Variants in MACF1 observed in about 807,000 individuals in gnomAD.
The protein encoded by MACF1 is microtubule-actin cross-linking factor 1.
Under a neutral mutation model 854.8 loss-of-function variants are expected in MACF1, and 193 were observed. The ratio of observed to expected loss-of-function variants is 0.23; its 90% CI spans 0.20 to 0.25. MACF1 has a LOEUF of 0.25. MACF1 is among the 10% of genes least tolerant of loss of function. The pLI is 1.00. For missense variants in MACF1, 7,722 were observed against 8,929.1 expected (o/e 0.86, Z 5.45); for synonymous variants, 3,185 against 3,226.7 (o/e 0.99, Z 0.44).
intron 69 of MACF1, 102 bp downstream of exon 69, chr1:39,434,734 C>T (rs926883904): frequency 4.3e-6 from 4 of 930,844 alleles, no homozygotes; most frequent in Non-Finnish European, 6.4e-6. Flanking sequence ...TTCTGTGTTA[C>T]GAAGTTAATT....
intron 23 of MACF1, 136 bp from the exon 24 acceptor site, chr1:39,309,434 G>C: frequency 1.0e-6 from 1 of 974,014 alleles, no homozygotes; most frequent in East Asian, 2.5e-5. Flanking sequence ...TGAGATGCTA[G>C]TATTTGACTT....
intron 2 of MACF1, among the ~76,000 whole-genome samples, chr1:39,244,541 A>G (rs1292620921): frequency 6.6e-6 from 1 of 151,356 alleles, no homozygotes; most frequent in Non-Finnish European, 1.5e-5. Context: ...TTGGCCTCCC[A>G]AAGTGCTAGG....
intron 44 of MACF1, among the ~76,000 whole-genome samples, chr1:39,356,962 G>T (rs1319037519): frequency 6.6e-6 from 1 of 152,152 alleles, no homozygotes; most frequent in Non-Finnish European, 1.5e-5. Flanking sequence ...TCCTATACGT[G>T]TCAGTTCAGA....
chr1:39,476,820 G>A (rs899657209), intron 97 of MACF1, among the ~76,000 whole-genome samples: 5 of 151,272 alleles, frequency 3.3e-5, no homozygotes, highest in African/African-American at 1.2e-4. Flanking sequence ...AGCTGGGCAT[G>A]GTGGATCACG....
At chr1:39,297,355 G>A (rs913754691) in intron 20 of MACF1, among the ~76,000 whole-genome samples, 15 of 152,202 alleles carry the variant, frequency 9.9e-5, no homozygotes, top group African/African-American at 3.6e-4. Flanking sequence ...GAAGTCAAGA[G>A]GAAAGAGCAG....
chr1:39,459,379 C>A (rs940287228), intron 91 of MACF1, 130 bp downstream of exon 91: 2 of 968,524 alleles, frequency 2.1e-6, no homozygotes, highest in African/African-American at 1.7e-5. Flanking sequence ...CAGACCTATA[C>A]CAAGCCAGTA....
Position 39,224,201 on chromosome 1 carries a change from T to TG in MACF1, c.110-6980dup. On this transcript the variant is annotated intron_variant, in intron 1 of 100. Coordinates refer to ENST00000564288, the MANE Select transcript of MACF1 (RefSeq NM_001394062.1). ...CCCCCTACTCCCCCCCATACACACA[T>TG]GACACAAAACATTTTGCATGTAATT... is the stretch of plus-strand genomic sequence containing the variant. 1.3e-5 allele frequency among the ~76,000 whole-genome samples: 2 copies of TG among 151,494 alleles called. 1 individual carries two copies. The highest frequency in any genetic ancestry group is 2.9e-5 in the Non-Finnish European group (2 of 67,906).
Position 39,332,817 on chromosome 1 carries a change from C to G in MACF1, c.6229C>G (p.Pro2077Ala). Reference sequence around the variant, plus strand: ...AACAGAAGATTCTTCTGTAGAGAACCCTGAACAGGATCTGTTTGTAGAACA... The same window carrying G: ...AACAGAAGATTCTTCTGTAGAGAACGCTGAACAGGATCTGTTTGTAGAACA... Reference protein sequence around the residue: ...VETEDSSVENPEQDLFVEQKE... With the variant: ...VETEDSSVENAEQDLFVEQKE... Residue 2077 changes from proline to alanine, a missense_variant, in exon 37 of 101, where the codon CCT becomes GCT. This residue lies in a region of MACF1 where 1,531 missense variants were observed against 1,601.6 expected (regional missense o/e 0.96). Transcript: ENST00000564288. The G allele has an allele frequency of 6.2e-7, 1 of 1,613,998 alleles. No individual in the cohort carries two copies. The highest frequency in any genetic ancestry group is 1.3e-5 in the African/African-American group (1 of 74,992).
At chr1:39,355,871 A>AT (rs974267420) in intron 44 of MACF1, among the ~76,000 whole-genome samples, 27 of 151,418 alleles carry the variant, frequency 1.8e-4, no homozygotes, top group African/African-American at 6.3e-4. Flanking sequence ...TGCCTCATTA[A>AT]TTTTTTTTTA....
intron 6 of MACF1, among the ~76,000 whole-genome samples, chr1:39,263,658 C>T (rs1348246116): frequency 2.0e-5 from 3 of 151,584 alleles, no homozygotes; most frequent in Non-Finnish European, 4.4e-5. Context: ...TGCTTTTGTA[C>T]ATTTACAGCA....
intron 95 of MACF1, 24 bp downstream of exon 95, chr1:39,465,136 T>C: frequency 1.9e-6 from 3 of 1,608,382 alleles, no homozygotes; most frequent in Non-Finnish European, 2.6e-6. Context: ...TGCAATGTTC[T>C]CCTTCTCAAT....
intron 99 of MACF1, among the ~76,000 whole-genome samples, chr1:39,483,543 C>G (rs955589268): frequency 1.3e-5 from 2 of 152,288 alleles, no homozygotes; most frequent in African/African-American, 4.8e-5. Flanking sequence ...ATTGGTGGAA[C>G]AGCAAGGAAG....
At chr1:39,140,858 T>C (rs1282240177) in intron 2 of MACF1, among the ~76,000 whole-genome samples, 1 of 126,430 alleles carries the variant, frequency 7.9e-6, no homozygotes, top group Non-Finnish European at 1.5e-5. Flanking sequence ...GAGGTTGCAG[T>C]GAGCCGAGAT....
chr1:39,298,042 A>G (rs1044776732), intron 21 of MACF1, among the ~76,000 whole-genome samples: 1 of 151,948 alleles, frequency 6.6e-6, no homozygotes, highest in Non-Finnish European at 1.5e-5. Flanking sequence ...TCTTATTTTA[A>G]TGTAATAGTT....
At chr1:39,328,128 A>G (rs1281052740) in intron 36 of MACF1, among the ~76,000 whole-genome samples, 2 of 152,220 alleles carry the variant, frequency 1.3e-5, no homozygotes, top group African/African-American at 4.8e-5. Flanking sequence ...ATTCAGACAA[A>G]GCATGTCTTG....
chr1:39,204,086 C>T (rs1557516461), upstream of MACF1, among the ~76,000 whole-genome samples: 1 of 152,062 alleles, frequency 6.6e-6, no homozygotes, highest in Non-Finnish European at 1.5e-5. Context: ...CCAGCTTGGC[C>T]AACATGGTGA....
chr1:39,414,391 C>T, intron 58 of MACF1: 1 of 1,613,952 alleles, frequency 6.2e-7, no homozygotes, highest in Non-Finnish European at 8.5e-7. Context: ...CCTTGATTCC[C>T]TAGTATTTGG....
At position 39,387,471 on chromosome 1, in the gene MACF1, T is replaced by G; in HGVS notation, c.14629T>G (p.Leu4877Val). 6.2e-7 allele frequency: 1 copy of G among 1,614,118 alleles called. No homozygotes were observed. Among genetic ancestry groups the G allele is most frequent in the Non-Finnish European group, 8.5e-7 (1 of 1,180,018 alleles). ...AGAGAAAAGGACTCTACAAAACCAG[T>G]TGGTTGAGCTCAAAAACCATTGGGA... ...GEEKRTLQNQ[L>V]VELKNHWEEL... The change falls in exon 58 of 101, where the codon TTG (leucine) becomes GTG (valine). Residue 4877 changes from leucine to valine, a missense_variant. By Grantham distance (32) the Leu-to-Val change is conservative. Coordinates refer to ENST00000564288, the MANE Select transcript of MACF1 (RefSeq NM_001394062.1).
intron 2 of MACF1, among the ~76,000 whole-genome samples, chr1:39,234,330 C>T (rs1195330750): frequency 2.6e-5 from 4 of 151,796 alleles, no homozygotes; most frequent in South Asian, 2.1e-4. Context: ...GGGTGGTGGC[C>T]GGGCAGAGGG....
Sources: allele counts gnomAD v4.1 joint callset (sites outside exome capture counted in the v4.1 genomes callset), GRCh38; gene constraint gnomAD v4.1.1; regional missense constraint gnomAD v4.1.1; transcripts MANE v1.5; gene names NCBI Gene and HGNC (gene_info 2026-07-23, HGNC 2026-07-21).